The following GSE1 variants were observed in gnomAD, a reference collection of about 807,000 sequenced individuals.
GSE1 encodes the protein genetic suppressor element 1.
In GSE1, 32 loss-of-function variants were observed where a neutral mutation model predicts 112.6. The ratio of observed to expected loss-of-function variants is 0.28; its 90% confidence interval spans 0.21 to 0.38. The LOEUF is 0.38. Ranked by LOEUF, GSE1 falls within the 10% of genes least tolerant of loss-of-function variation. GSE1 has a pLI of 1.00. For synonymous variants in GSE1, 1,115 were observed against 735.6 expected, an observed-to-expected ratio of 1.52 and a Z score of -8.35; for missense variants, 2,348 against 1,699.2, an observed-to-expected ratio of 1.38 and a Z score of -6.71.
chr16:85,331,212 G>T (rs1379613589), intron 1 of GSE1, among the ~76,000 whole-genome samples: 1 of 149,782 alleles, frequency 6.7e-6, no homozygotes, highest in Non-Finnish European at 1.5e-5. Context: ...TAGTGCAGTG[G>T]CACGATATCG....
chr16:85,218,250 G>C (rs1001710566), intron 1 of GSE1, among the ~76,000 whole-genome samples: 1 of 152,036 alleles, frequency 6.6e-6, no homozygotes, highest in African/African-American at 2.4e-5. Flanking sequence ...TTTTCTCCTA[G>C]GGTTTCCACT....
At chr16:85,617,497 C>T (rs559779380) in intron 1 of GSE1, among the ~76,000 whole-genome samples, 31 of 151,814 alleles carry the variant, frequency 2.0e-4, no homozygotes, top group Admixed American at 5.9e-4. Flanking sequence ...TTTTGAATCA[C>T]CTGGGGAGCT....
intron 2 of GSE1, among the ~76,000 whole-genome samples, chr16:85,459,963 C>G (rs886771661): frequency 6.6e-6 from 1 of 152,204 alleles, no homozygotes; most frequent in Admixed American, 6.5e-5. Flanking sequence ...AGGAGCTTCT[C>G]AAAGCATTTC....
At chr16:85,671,461 C>CAAAAAAAAAAAAAA (rs1193691794) in intron 15 of GSE1, among the ~76,000 whole-genome samples, 1 of 76,408 alleles carries the variant, frequency 1.3e-5, no homozygotes, top group African/African-American at 4.6e-5. Context: ...AAAAAAAGAT[C>CAAAAAAAAAAAAAA]AAAATTTGGA....
chr16:85,267,014 C>T (rs1027751185), intron 1 of GSE1, among the ~76,000 whole-genome samples: 28 of 152,208 alleles, frequency 1.8e-4, no homozygotes, highest in Admixed American at 1.2e-3. Context: ...GGCTCCGAGA[C>T]GGCTGGCTCC....
At chr16:85,517,925 G>A (rs979603346) in intron 2 of GSE1, among the ~76,000 whole-genome samples, 13 of 152,222 alleles carry the variant, frequency 8.5e-5, no homozygotes, top group African/African-American at 2.7e-4. Flanking sequence ...CAGGGCTGAT[G>A]GAGCGCCCCT....
intron 1 of GSE1, chr16:85,171,937 G>A: frequency 2.2e-6 from 1 of 458,640 alleles, no homozygotes; most frequent in Non-Finnish European, 2.9e-6. Context: ...GGGTGTTCCG[G>A]GGGAGGTACC....
At chr16:85,191,487 G>A (rs1182233368) in intron 1 of GSE1, among the ~76,000 whole-genome samples, 2 of 152,134 alleles carry the variant, frequency 1.3e-5, no homozygotes, top group African/African-American at 4.8e-5. Context: ...CTTGCTGTAG[G>A]AATTTTGGAA....
At chr16:85,171,524 A>T in exon 1 of GSE1, 1 of 985,518 alleles carries the variant, frequency 1.0e-6, no homozygotes, top group Non-Finnish European at 1.2e-6. Flanking sequence ...CGCAGCTCCC[A>T]CCACGCTGTC....
chr16:85,401,824 T>C (rs2048121658), intron 2 of GSE1, among the ~76,000 whole-genome samples: 1 of 152,224 alleles, frequency 6.6e-6, no homozygotes, highest in Admixed American at 6.5e-5. Flanking sequence ...GGTTCCACCA[T>C]TCCTGACGGG....
chr16:85,314,591 A>G (rs750098714), intron 1 of GSE1, among the ~76,000 whole-genome samples: 3 of 152,060 alleles, frequency 2.0e-5, no homozygotes, highest in Non-Finnish European at 4.4e-5. Context: ...CACACACACG[A>G]ACACACCCAC....
At chr16:85,638,330 G>A (rs2050170026) in intron 2 of GSE1, among the ~76,000 whole-genome samples, 1 of 152,162 alleles carries the variant, frequency 6.6e-6, no homozygotes, top group South Asian at 2.1e-4. Flanking sequence ...CTTCTTCAAA[G>A]CTCAGTCACC....
At chr16:85,499,939 T>A (rs1217389174) in intron 2 of GSE1, among the ~76,000 whole-genome samples, 1 of 152,238 alleles carries the variant, frequency 6.6e-6, no homozygotes, top group Non-Finnish European at 1.5e-5. Context: ...TGGAGACGTT[T>A]CTTCATTTGG....
chr16:85,284,132 T>C (rs1246686366), intron 1 of GSE1, among the ~76,000 whole-genome samples: 1 of 152,094 alleles, frequency 6.6e-6, no homozygotes, highest in African/African-American at 2.4e-5. Context: ...TGTTCAGCTT[T>C]CAAGATGCCC....
intron 1 of GSE1, among the ~76,000 whole-genome samples, chr16:85,291,161 G>C (rs996682975): frequency 2.0e-5 from 3 of 152,218 alleles, no homozygotes; most frequent in Admixed American, 2.0e-4. Flanking sequence ...GAGGCATGTA[G>C]TGGGTATGTC....
chr16:85,297,337 A>T (rs920909559), intron 1 of GSE1, among the ~76,000 whole-genome samples: 1 of 150,320 alleles, frequency 6.7e-6, no homozygotes, highest in Admixed American at 6.6e-5. Flanking sequence ...GGGGCAGCAG[A>T]CGAACTCCAG....
chr16:85,340,012 C>T (rs886444428), intron 1 of GSE1, among the ~76,000 whole-genome samples: 2 of 152,226 alleles, frequency 1.3e-5, no homozygotes, highest in Non-Finnish European at 2.9e-5. Flanking sequence ...CCCCACCTCT[C>T]TCAGCACAGC....
chr16:85,515,586 C>T (rs971117305), intron 2 of GSE1, among the ~76,000 whole-genome samples: 3 of 151,214 alleles, frequency 2.0e-5, no homozygotes, highest in African/African-American at 7.3e-5. Context: ...CGCCAGGGGC[C>T]CAGACTGGGC....
intron 2 of GSE1, among the ~76,000 whole-genome samples, chr16:85,422,782 T>C (rs2048881450): frequency 6.6e-6 from 1 of 152,038 alleles, no homozygotes; most frequent in Non-Finnish European, 1.5e-5. Context: ...GGGGCGCTGC[T>C]GCCCTGGGTT....
Sources: gnomAD v4.1 joint callset for allele counts (sites outside exome capture counted in the v4.1 genomes callset) on GRCh38, gnomAD v4.1.1 for gene constraint, MANE v1.5 for transcripts, NCBI Gene and HGNC (gene_info 2026-07-23, HGNC 2026-07-21) for gene names.